PLCL1: variants seen among roughly 807,000 people sequenced by gnomAD.
The protein encoded by PLCL1 is phospholipase C like 1 (inactive), also known as inactive phospholipase C-like protein 1.
Under a neutral mutation model 84.4 loss-of-function variants are expected in PLCL1, and 41 were observed. The observed-to-expected ratio is 0.49, with a 90% confidence interval of 0.38 to 0.63. PLCL1 has a LOEUF of 0.63. Ranked by LOEUF, PLCL1 falls within the 30% of genes least tolerant of loss-of-function variation. The pLI, the probability that PLCL1 is intolerant of heterozygous loss-of-function variation, is 0.00. For synonymous variants in PLCL1, 490 were observed against 488.3 expected, an observed-to-expected ratio of 1.00 and a Z score of -0.05; for missense variants, 1,206 against 1,367.8, an observed-to-expected ratio of 0.88 and a Z score of 1.87.
chr2:198,007,494 A>C (rs2105826421), intron 1 of PLCL1, among the ~76,000 whole-genome samples: 1 of 152,304 alleles, frequency 6.6e-6, no homozygotes, highest in South Asian at 2.1e-4. Context: ...ACATATATTA[A>C]AAAATAGCTA....
At chr2:197,851,053 T>C (rs1434541880) in intron 1 of PLCL1, among the ~76,000 whole-genome samples, 1 of 152,224 alleles carries the variant, frequency 6.6e-6, no homozygotes, top group Non-Finnish European at 1.5e-5. Context: ...GGTATATAAG[T>C]CTCATATTCT....
intron 1 of PLCL1, among the ~76,000 whole-genome samples, chr2:197,896,362 C>G (rs1688132290): frequency 6.6e-6 from 1 of 151,900 alleles, no homozygotes; most frequent in Non-Finnish European, 1.5e-5. Flanking sequence ...AAATAAAAAA[C>G]AAAGAGCATC....
intron 1 of PLCL1, among the ~76,000 whole-genome samples, chr2:197,877,652 A>G (rs1259917765): frequency 3.3e-5 from 5 of 152,206 alleles, no homozygotes; most frequent in African/African-American, 1.2e-4. Flanking sequence ...CTGGTTTAAA[A>G]TGATGGTAAT....
At chr2:198,054,104 G>T (rs1692007023) in intron 1 of PLCL1, among the ~76,000 whole-genome samples, 1 of 152,108 alleles carries the variant, frequency 6.6e-6, no homozygotes, top group Admixed American at 6.5e-5. Context: ...GGATACAGAG[G>T]TTAATTCCTC....
At chr2:197,908,168 G>GA (rs567312721) in intron 1 of PLCL1, among the ~76,000 whole-genome samples, 229 of 152,238 alleles carry the variant, frequency 1.5e-3, no homozygotes, top group Non-Finnish European at 2.1e-3. Flanking sequence ...CTGCTTAAGA[G>GA]AAAAAATAAG....
In PLCL1 at chr2:197,805,122, G is replaced by C. The variant is rs1479720659; in HGVS notation, c.23G>C (p.Arg8Thr). MAEGAAG[R>T]EDPAPPDAAG... ...GCCATGGCCGAGGGCGCGGCCGGCAGGGAGGATCCGGCGCCGCCCGACGCG... is the reference window on the plus strand; with the variant it reads ...GCCATGGCCGAGGGCGCGGCCGGCACGGAGGATCCGGCGCCGCCCGACGCG... The change falls in exon 1 of 6, where the codon AGG becomes ACG. Residue 8 changes from arginine (R) to threonine (T), a missense_variant. Physicochemically the swap from Arg to Thr is moderately conservative, Grantham distance 71. Transcript: ENST00000428675. The surrounding 1 kb of genome is among the most constrained non-coding windows in gnomAD (Gnocchi z 4.0). The C allele has an allele frequency of 7.6e-7, 1 of 1,321,816 alleles. No homozygotes were observed. The highest frequency in any genetic ancestry group is 4.1e-5 in the Admixed American group (1 of 24,420). 81.9% of individuals were successfully genotyped at this position (1,321,816 alleles called of 1,614,324 possible).
intron 1 of PLCL1, among the ~76,000 whole-genome samples, chr2:198,045,673 G>T (rs1380080377): frequency 6.6e-6 from 1 of 152,166 alleles, no homozygotes; most frequent in African/African-American, 2.4e-5. Flanking sequence ...CTAGAGTAAT[G>T]AATTTCAACT....
intron 1 of PLCL1, among the ~76,000 whole-genome samples, chr2:198,077,116 A>G (rs1239881531): frequency 6.6e-6 from 1 of 151,898 alleles, no homozygotes; most frequent in African/African-American, 2.4e-5. Context: ...ACTTTATCTC[A>G]CTTAGTATAT....
chr2:197,829,744 G>A (rs997188081), intron 1 of PLCL1, among the ~76,000 whole-genome samples: 7 of 152,180 alleles, frequency 4.6e-5, no homozygotes, highest in Non-Finnish European at 8.8e-5. Flanking sequence ...GTGGCACATT[G>A]CTCTGGTTGT....
rs184658427 is a variant in PLCL1, at chr2:197,879,275, C to A, written c.240+73936C>A. ...ATACATAGATATCTGACCATCAAAT[C>A]TAATAATTTTCAGGTTCAAAGGATT... On this transcript the variant is annotated intron_variant, in intron 1 of 5. Coordinates refer to ENST00000428675, the MANE Select transcript of PLCL1 (RefSeq NM_006226.4). 7.8e-4 allele frequency among the ~76,000 whole-genome samples: 119 copies of A among 152,276 alleles called. 1 individual carries two copies. Among genetic ancestry groups the A allele is most frequent in the African/African-American group, 2.7e-3 (114 of 41,552 alleles).
At chr2:198,005,004 T>C (rs1024685712) in intron 1 of PLCL1, among the ~76,000 whole-genome samples, 3 of 152,204 alleles carry the variant, frequency 2.0e-5, no homozygotes, top group African/African-American at 7.2e-5. Context: ...TTAACACATC[T>C]AGAAATAGTC....
At chr2:198,010,733 T>G (rs1015869131) in intron 1 of PLCL1, among the ~76,000 whole-genome samples, 1 of 151,872 alleles carries the variant, frequency 6.6e-6, no homozygotes, top group Non-Finnish European at 1.5e-5. Context: ...TAATCATTAT[T>G]CATTAAGTAT....
intron 1 of PLCL1, among the ~76,000 whole-genome samples, chr2:198,063,181 T>C (rs1023994931): frequency 6.9e-5 from 10 of 145,962 alleles, no homozygotes; most frequent in African/African-American, 2.2e-4. Context: ...TTTTCCTCTT[T>C]ATTTTCAATT....
At chr2:197,944,306 G>A (rs1689227832) in intron 1 of PLCL1, among the ~76,000 whole-genome samples, 1 of 152,084 alleles carries the variant, frequency 6.6e-6, no homozygotes, top group Non-Finnish European at 1.5e-5. Flanking sequence ...GCTGATTCCG[G>A]GGTTGAAGGA....
chr2:198,021,813 G>C (rs1248905562), intron 1 of PLCL1, among the ~76,000 whole-genome samples: 1 of 152,104 alleles, frequency 6.6e-6, no homozygotes, highest in Admixed American at 6.5e-5. Flanking sequence ...TTCTATCAGA[G>C]GTACAAAGAC....
At chr2:197,808,908 C>T (rs969958780) in intron 1 of PLCL1, among the ~76,000 whole-genome samples, 1 of 152,108 alleles carries the variant, frequency 6.6e-6, no homozygotes, top group South Asian at 2.1e-4. Context: ...GAAATTGTCA[C>T]TTGGATCTCA....
At chr2:198,036,209 C>T (rs1481237288) in intron 1 of PLCL1, among the ~76,000 whole-genome samples, 1 of 152,114 alleles carries the variant, frequency 6.6e-6, no homozygotes, top group East Asian at 1.9e-4. Flanking sequence ...CACACAATTG[C>T]CTTGGTCAAA....
intron 1 of PLCL1, among the ~76,000 whole-genome samples, chr2:198,040,917 A>G (rs1416149709): frequency 6.6e-6 from 1 of 152,110 alleles, no homozygotes; most frequent in Non-Finnish European, 1.5e-5. Flanking sequence ...GATTGTGTCT[A>G]CTCAGTAAAT....
At position 198,017,624 on chromosome 2, in the gene PLCL1, G is replaced by T. The variant is rs562532219; in HGVS notation, c.241-66134G>T. ...TTTGGACAGACCTGGGTAGCACATT[G>T]TAATGATATTTGGCTTGTTGATTTC... On this transcript the variant is annotated intron_variant, in intron 1 of 5. Coordinates refer to ENST00000428675, the MANE Select transcript of PLCL1 (RefSeq NM_006226.4). Among the ~76,000 whole-genome samples the T allele has an allele frequency of 1.1e-4, 17 of 152,320 alleles. No individual in the cohort carries two copies. The South Asian group carries it at 3.3e-3, about 30-fold the overall frequency.
Sources: allele counts gnomAD v4.1 joint callset (sites outside exome capture counted in the v4.1 genomes callset), GRCh38; gene constraint gnomAD v4.1.1; non-coding constraint Gnocchi (gnomAD v3.1); transcripts MANE v1.5; gene names NCBI Gene and HGNC (gene_info 2026-07-23, HGNC 2026-07-21).